The following TTLL1 variants were observed in gnomAD, a reference collection of about 807,000 sequenced individuals.
The protein encoded by TTLL1 is polyglutamylase complex subunit TTLL1.
TTLL1 carries 33 observed loss-of-function variants against 47.8 expected under a neutral mutation model. The observed-to-expected ratio is 0.69, with a 90% CI of 0.52 to 0.92. The LOEUF is 0.92. Ranked by LOEUF, TTLL1 falls within the 40% of genes least tolerant of loss-of-function variation. TTLL1 has a pLI of 0.00. For synonymous variants in TTLL1, 225 were observed against 214.1 expected, an observed-to-expected ratio of 1.05 and a Z score of -0.45; for missense variants, 488 against 547.5, an observed-to-expected ratio of 0.89 and a Z score of 1.08.
At chr22:43,075,626 C>G (rs1251237959) in intron 2 of TTLL1, 36 bp from the exon 3 acceptor site, 4 of 1,564,850 alleles carry the variant, frequency 2.6e-6, no homozygotes, top group Non-Finnish European at 1.8e-6. Context: ...TATGAAACTT[C>G]AACAGCTCAC....
intron 10 of TTLL1, 162 bp from the exon 11 acceptor site, chr22:43,040,067 T>A (rs1315189392): frequency 1.1e-6 from 1 of 905,586 alleles, no homozygotes; most frequent in Non-Finnish European, 1.6e-6. Flanking sequence ...CCCACCTGGC[T>A]CCAGCCCACC....
At chr22:43,065,245 G>A (rs1272397592) in intron 5 of TTLL1, among the ~76,000 whole-genome samples, 2 of 152,082 alleles carry the variant, frequency 1.3e-5, no homozygotes, top group African/African-American at 4.8e-5. Flanking sequence ...TGTGAACTAT[G>A]GCCTTTGGGT....
At chr22:43,061,611 C>T (rs1332404007) in intron 7 of TTLL1, among the ~76,000 whole-genome samples, 1 of 152,206 alleles carries the variant, frequency 6.6e-6, no homozygotes, top group Non-Finnish European at 1.5e-5. Context: ...CATAAAGAAA[C>T]GAGACCTTTG....
intron 2 of TTLL1, among the ~76,000 whole-genome samples, chr22:43,079,365 C>A (rs973251768): frequency 6.6e-6 from 1 of 151,320 alleles, no homozygotes; most frequent in Non-Finnish European, 1.5e-5. Context: ...ACACCCCTCA[C>A]ACCCGAAGAC....
chr22:43,042,938 C>CTTTTTTTT (rs59595664), intron 10 of TTLL1, among the ~76,000 whole-genome samples: 1 of 129,742 alleles, frequency 7.7e-6, no homozygotes, highest in African/African-American at 2.9e-5. Flanking sequence ...GCTGCTTTTT[C>CTTTTTTTT]TTTTTTTTTT....
chr22:43,052,031 C>A, intron 8 of TTLL1, 144 bp from the exon 9 acceptor site: 1 of 695,966 alleles, frequency 1.4e-6, no homozygotes, highest in East Asian at 2.6e-5. Context: ...GCTTCCTTCC[C>A]TCCTCTCCCT....
chr22:43,058,064 C>T (rs1927142053), intron 8 of TTLL1, among the ~76,000 whole-genome samples: 1 of 151,984 alleles, frequency 6.6e-6, no homozygotes, highest in Non-Finnish European at 1.5e-5. Flanking sequence ...CTGCCTCAGC[C>T]TCCCGAGTAG....
chr22:43,053,113 A>G (rs1238702561), intron 8 of TTLL1, among the ~76,000 whole-genome samples: 1 of 152,080 alleles, frequency 6.6e-6, no homozygotes, highest in Admixed American at 6.6e-5. Flanking sequence ...CCAGCTGCTT[A>G]TGATGCAGAT....
chr22:43,071,277 A>G (rs2146982940), intron 3 of TTLL1, among the ~76,000 whole-genome samples: 1 of 152,202 alleles, frequency 6.6e-6, no homozygotes, highest in African/African-American at 2.4e-5. Flanking sequence ...GTGCCTCAAG[A>G]ACAGTTCATA....
intron 7 of TTLL1, among the ~76,000 whole-genome samples, chr22:43,061,869 C>T (rs908073849): frequency 2.0e-5 from 3 of 152,200 alleles, no homozygotes; most frequent in Non-Finnish European, 2.9e-5. Flanking sequence ...CTTCAGATCT[C>T]GGCTCCAGCA....
At chr22:43,077,927 C>T (rs1374460930) in intron 2 of TTLL1, among the ~76,000 whole-genome samples, 1 of 150,952 alleles carries the variant, frequency 6.6e-6, no homozygotes, top group Non-Finnish European at 1.5e-5. Context: ...GGCAACATGG[C>T]AAAACCCCAT....
intron 1 of TTLL1, among the ~76,000 whole-genome samples, chr22:43,084,545 A>C (rs1929105848): frequency 6.6e-6 from 1 of 151,890 alleles, no homozygotes; most frequent in Non-Finnish European, 1.5e-5. Flanking sequence ...TCAATCGCCC[A>C]GGCTGGAGTG....
intron 7 of TTLL1, among the ~76,000 whole-genome samples, chr22:43,061,171 C>T (rs945397474): frequency 4.6e-5 from 7 of 152,168 alleles, no homozygotes; most frequent in Non-Finnish European, 1.0e-4. Flanking sequence ...GCGTGGGTGA[C>T]AGAGCAAGAC....
At position 43,069,819 on chromosome 22, in the gene TTLL1, C is replaced by T. The variant is rs763429433; in HGVS notation, c.139G>A (p.Val47Met). ...CGATATCCAGCTTCAACGCTGAACA[C>T]ATTTCGGATGGTTTGCACACTCATC... ...YWMSVQTIRN[V>M]FSVEAGYRLS... Residue 47 changes from valine to methionine, a missense_variant, in exon 4 of 11, where the codon GTG (valine) becomes ATG (methionine). Transcript: ENST00000266254. 3.7e-6 allele frequency: 6 copies of T among 1,614,068 alleles called. No individual in the cohort carries two copies. In the Admixed American group the frequency reaches 8.3e-5, roughly 22 times the overall value.
chr22:43,075,581 T>C lies in TTLL1; in HGVS notation c.6A>G (p.Ala2=), dbSNP rs1189588536. The stretch of plus-strand genomic sequence containing the variant: ...TATCAGTGACCCATTTTACTTTCCC[T>C]GCCATAATCCTGGAAGAGATCAAAA... M[A]GKVKWVTDIE... Residue 2 remains alanine, a synonymous_variant, in exon 3 of 11, where the codon GCA becomes GCG. Coordinates refer to ENST00000266254, the MANE Select transcript of TTLL1 (RefSeq NM_012263.5). 2 of 1,614,084 alleles carry C rather than the reference T, an allele frequency of 1.2e-6. No homozygotes were observed. The highest frequency in any genetic ancestry group is 2.2e-5 in the East Asian group (1 of 44,878).
chr22:43,046,328 A>G, intron 10 of TTLL1, 82 bp downstream of exon 10: 2 of 1,514,826 alleles, frequency 1.3e-6, no homozygotes, highest in Non-Finnish European at 1.8e-6. Flanking sequence ...GAATCCACAT[A>G]TGCCCAGAAA....
chr22:43,058,101 G>A lies in TTLL1; in HGVS notation c.891+1283C>T, dbSNP rs1468926355. 3.3e-5 allele frequency among the ~76,000 whole-genome samples: 5 copies of A among 151,844 alleles called. No individual in the cohort carries two copies. The South Asian group carries it at 8.4e-4, about 25-fold the overall frequency. ...TGGGACTACAGGCGCCCACTACCAC[G>A]CCCGGCAAATTTTTTTGTAGTTGTA... On this transcript the variant is annotated intron_variant, in intron 8 of 10. Transcript: ENST00000266254.
At chr22:43,057,548 T>G (rs1416473889) in intron 8 of TTLL1, among the ~76,000 whole-genome samples, 3 of 152,214 alleles carry the variant, frequency 2.0e-5, no homozygotes, top group Non-Finnish European at 4.4e-5. Context: ...TTGGGAGTTT[T>G]GTAAAGCACC....
At chr22:43,041,284 T>C (rs189464412) in intron 10 of TTLL1, 4 of 152,344 alleles carry the variant, frequency 2.6e-5, no homozygotes, top group African/African-American at 9.6e-5. Context: ...CCATCCTGAC[T>C]AGGACCCTCG....
Sources: gnomAD v4.1 joint callset for allele counts (sites outside exome capture counted in the v4.1 genomes callset) on GRCh38, gnomAD v4.1.1 for gene constraint, MANE v1.5 for transcripts, NCBI Gene and HGNC (gene_info 2026-07-23, HGNC 2026-07-21) for gene names.